Variants in MMACHC observed in about 807,000 individuals in gnomAD.
The protein encoded by MMACHC is cyanocobalamin reductase / alkylcobalamin dealkylase.
In MMACHC, 14 loss-of-function variants were observed where a neutral mutation model predicts 17.6. That is an observed-to-expected ratio of 0.80 (90% CI 0.53 to 1.25). MMACHC has a LOEUF of 1.25. MMACHC is among the 50% of genes most tolerant of loss of function. MMACHC has a pLI of 0.00. For synonymous variants in MMACHC, 151 were observed against 142.1 expected (o/e 1.06, Z -0.45); for missense variants, 392 against 364.5 (o/e 1.08, Z -0.62).
In MMACHC at chr1:45,509,384, G is replaced by A. The variant is rs566121791; in HGVS notation, c.*169G>A. 481 of 692,462 alleles carry A rather than the reference G, an allele frequency of 6.9e-4. No homozygotes were observed. The highest frequency in any genetic ancestry group is 9.5e-4 in the Non-Finnish European group (413 of 434,436). 42.9% of individuals were successfully genotyped at this position (692,462 alleles called of 1,614,324 possible). A position where few individuals can be genotyped will look rare whatever the true frequency, so the allele number is the denominator to read the frequency against. On this transcript the variant is annotated 3_prime_UTR_variant, in exon 4 of 4. Transcript: ENST00000401061. Reference sequence around the variant, plus strand: ...TTAGGTTTGGCCAAGATAAAGGCCAGGGAACCAGAATTCCCATCTGCCTTC... The same window carrying A: ...TTAGGTTTGGCCAAGATAAAGGCCAAGGAACCAGAATTCCCATCTGCCTTC...
At chr1:45,504,559 T>G (rs1012864210) in intron 1 of MMACHC, among the ~76,000 whole-genome samples, 12 of 152,064 alleles carry the variant, frequency 7.9e-5, no homozygotes, top group African/African-American at 2.9e-4. Flanking sequence ...AACAAATTAT[T>G]TTTTTGTTTT....
In MMACHC at chr1:45,511,461, C is replaced by CAA. The variant is rs771563892; in HGVS notation, c.*2247_*2248insAA. On this transcript the variant is annotated 3_prime_UTR_variant, in exon 4 of 4. Transcript: ENST00000401061. ...AATTAATAACCTTCTCAATGGTATG[C>CAA]ACCACCATTCTCCTATGGACAAAAC... 2 of 1,482,342 alleles carry CAA rather than the reference C, an allele frequency of 1.3e-6. No individual in the cohort carries two copies. Among genetic ancestry groups the CAA allele is most frequent in the East Asian group, 4.5e-5 (2 of 44,060 alleles). 91.8% of individuals were successfully genotyped at this position (1,482,342 alleles called of 1,614,324 possible).
chr1:45,500,512 G>A lies in MMACHC; in HGVS notation c.81+99G>A, dbSNP rs550361077. ...GAGCCTCTGATCCTCCTGGGTTCCTGCAGCCCAGTGTCCATGTGACAACAG... is the reference window on the plus strand; with the variant it reads ...GAGCCTCTGATCCTCCTGGGTTCCTACAGCCCAGTGTCCATGTGACAACAG... On this transcript the variant is annotated intron_variant, in intron 1 of 3. Transcript: ENST00000401061. 6.8e-5 allele frequency: 78 copies of A among 1,140,148 alleles called. No individual in the cohort carries two copies. The African/African-American group carries it at 1.1e-3, about 16-fold the overall frequency. The allele number at this position is 1,140,148 out of a possible 1,614,324, so 70.6% of individuals were successfully genotyped here. A position where few individuals can be genotyped will look rare whatever the true frequency, so the allele number is the denominator to read the frequency against.
In MMACHC at chr1:45,511,091, G is replaced by A; in HGVS notation, c.*1876G>A. The A allele has an allele frequency of 1.1e-5, 4 of 368,098 alleles. No homozygotes were observed. Among genetic ancestry groups the A allele is most frequent in the East Asian group, 4.1e-5 (1 of 24,542 alleles). The allele number at this position is 368,098 out of a possible 1,614,324, so 22.8% of individuals were successfully genotyped here. On this transcript the variant is annotated 3_prime_UTR_variant, in exon 4 of 4. Coordinates refer to ENST00000401061, the MANE Select transcript of MMACHC (RefSeq NM_015506.3). The stretch of plus-strand genomic sequence containing the variant: ...AATACAAACTACAAAAGATTAATGG[G>A]TTGCTCTACTAATACATCATACAAA...
Position 45,511,270 on chromosome 1 carries a change from A to G in MMACHC, c.*2055A>G. 7.3e-7 allele frequency: 1 copy of G among 1,364,748 alleles called. No homozygotes were observed. The highest frequency in any genetic ancestry group is 1.0e-6 in the Non-Finnish European group (1 of 996,072). The allele number at this position is 1,364,748 out of a possible 1,614,324, so 84.5% of individuals were successfully genotyped here. A position where few individuals can be genotyped will look rare whatever the true frequency, so the allele number is the denominator to read the frequency against. ...TTTTACTAATGGAAAAAAAAAATACAGAAGAGGTTTTGTTCTCATGGCTGC... is the reference window on the plus strand; with the variant it reads ...TTTTACTAATGGAAAAAAAAAATACGGAAGAGGTTTTGTTCTCATGGCTGC... On this transcript the variant is annotated 3_prime_UTR_variant, in exon 4 of 4. Transcript: ENST00000401061.
Position 45,508,317 on chromosome 1 carries a change from T to C in MMACHC, c.382T>C (p.Tyr128His), listed in dbSNP as rs1643666943. 6.2e-7 allele frequency: 1 copy of C among 1,613,926 alleles called. No homozygotes were observed. Among genetic ancestry groups the C allele is most frequent in the Admixed American group, 1.7e-5 (1 of 59,990 alleles). The change falls in exon 3 of 4, where the codon TAC becomes CAC. Residue 128 changes from tyrosine to histidine, a missense_variant. Transcript: ENST00000401061. ...QTAAHVAGAA[Y>H]YYQRQDVEAD... ...AGCAGCCCATGTAGCTGGGGCTGCT[T>C]ACTACTACCAACGACAAGATGTGGA...
At chr1:45,502,215 A>G (rs1460427033) in intron 1 of MMACHC, among the ~76,000 whole-genome samples, 1 of 152,068 alleles carries the variant, frequency 6.6e-6, no homozygotes, top group African/African-American at 2.4e-5. Context: ...ACAATTCTCA[A>G]ATATACCCAG....
At chr1:45,504,417 A>G (rs1643586655) in intron 1 of MMACHC, among the ~76,000 whole-genome samples, 1 of 152,098 alleles carries the variant, frequency 6.6e-6, no homozygotes, top group Non-Finnish European at 1.5e-5. Flanking sequence ...TTCCATCTCA[A>G]AAAAAAGAAA....
chr1:45,510,264 A>G lies in MMACHC; in HGVS notation c.*1049A>G, dbSNP rs185604515. 2.0e-5 allele frequency: 3 copies of G among 152,324 alleles called. No individual in the cohort carries two copies. The highest frequency in any genetic ancestry group is 3.9e-4 in the East Asian group (2 of 5,182). The allele number at this position is 152,324 out of a possible 1,614,324, so 9.4% of individuals were successfully genotyped here. On this transcript the variant is annotated 3_prime_UTR_variant, in exon 4 of 4. Coordinates refer to ENST00000401061, the MANE Select transcript of MMACHC (RefSeq NM_015506.3). ...GTGGGCAGGTGGGAGTAGCTGAGGA[A>G]GACAAGTGGCTGGAATGGTATCACA...
Position 45,509,763 on chromosome 1 carries a change from G to A in MMACHC, c.*548G>A, listed in dbSNP as rs533957977. On this transcript the variant is annotated 3_prime_UTR_variant, in exon 4 of 4. Coordinates refer to ENST00000401061, the MANE Select transcript of MMACHC (RefSeq NM_015506.3). ...GCAGTTCCCCAAGATGTTGTTACAG[G>A]GCCTAAGGGGCAAATATCCTCTAAA... 1.3e-5 allele frequency: 2 copies of A among 153,958 alleles called. No individual in the cohort carries two copies. Among genetic ancestry groups the A allele is most frequent in the African/African-American group, 4.8e-5 (2 of 41,464 alleles). 9.5% of individuals were successfully genotyped at this position (153,958 alleles called of 1,614,324 possible). A position where few individuals can be genotyped will look rare whatever the true frequency, so the allele number is the denominator to read the frequency against.
rs11580609 is a variant in MMACHC, at chr1:45,510,184, C to A, written c.*969C>A. On this transcript the variant is annotated 3_prime_UTR_variant, in exon 4 of 4. Coordinates refer to ENST00000401061, the MANE Select transcript of MMACHC (RefSeq NM_015506.3). ...TAGTAAGCAGTATGTTGGCCATTAC[C>A]AAAGGCCCTGGGAATTCTGTACTGC... 1.3e-5 allele frequency: 2 copies of A among 151,756 alleles called. No homozygotes were observed. The highest frequency in any genetic ancestry group is 2.9e-5 in the Non-Finnish European group (2 of 67,974). 9.4% of individuals were successfully genotyped at this position (151,756 alleles called of 1,614,324 possible).
At chr1:45,503,988 G>A (rs183725251) in intron 1 of MMACHC, among the ~76,000 whole-genome samples, 11 of 152,230 alleles carry the variant, frequency 7.2e-5, no homozygotes, top group Admixed American at 5.2e-4. Flanking sequence ...GGGTGTAGAC[G>A]GTGTTACAGG....
rs1000688178 is a variant in MMACHC, at chr1:45,512,743, C to G, written c.*3528C>G. ...GGGCCTACTTTGCCACTGCTGCCTCCTTCTTAATGCTGAACCTCATCTCCC... is the reference window on the plus strand; with the variant it reads ...GGGCCTACTTTGCCACTGCTGCCTCGTTCTTAATGCTGAACCTCATCTCCC... On this transcript the variant is annotated 3_prime_UTR_variant, in exon 4 of 4. Transcript: ENST00000401061. The G allele has an allele frequency of 3.9e-5, 6 of 152,302 alleles. No homozygotes were observed. In the South Asian group the frequency reaches 1.2e-3, roughly 32 times the overall value. The allele number at this position is 152,302 out of a possible 1,614,324, so 9.4% of individuals were successfully genotyped here.
In MMACHC at chr1:45,508,867, A is replaced by G. The variant is rs1366306237; in HGVS notation, c.501A>G (p.Pro167=). 2 of 1,614,048 alleles carry G rather than the reference A, an allele frequency of 1.2e-6. No homozygotes were observed. Among genetic ancestry groups the G allele is most frequent in the Non-Finnish European group, 8.5e-7 (1 of 1,180,018 alleles). The change falls in exon 4 of 4, where the codon CCA becomes CCG. Residue 167 remains proline (P), a synonymous_variant. Transcript: ENST00000401061. ...WFAIRGVVLL[P]GIEVPDLPPR... is the part of the protein sequence containing the mutation. ...CCATCCGAGGGGTAGTGCTGCTGCC[A>G]GGGATAGAGGTGCCAGATCTGCCAC...
Position 45,508,829 on chromosome 1 carries a change from G to A in MMACHC, c.463G>A (p.Gly155Arg). ...ISGVCIHPRF[G>R]GWFAIRGVVL... ...AGGTGTGTGCATACACCCCCGATTT[G>A]GGGGCTGGTTTGCCATCCGAGGGGT... Residue 155 changes from glycine (G) to arginine (R), a missense_variant, in exon 4 of 4, where the codon GGG becomes AGG. Transcript: ENST00000401061. 6.2e-7 allele frequency: 1 copy of A among 1,614,126 alleles called. No homozygotes were observed. Among genetic ancestry groups the A allele is most frequent in the Non-Finnish European group, 8.5e-7 (1 of 1,180,008 alleles).
At position 45,507,926 on chromosome 1, in the gene MMACHC, C is replaced by G. The variant is rs369881882; in HGVS notation, c.277-286C>G. On this transcript the variant is annotated intron_variant, in intron 2 of 3. Transcript: ENST00000401061. ...CTTTTGAGGACAGAACAATATTCTC[C>G]CAACACACACTCACATATACACATA... is the stretch of plus-strand genomic sequence containing the variant. 2.6e-5 allele frequency among the ~76,000 whole-genome samples: 4 copies of G among 152,184 alleles called. No individual in the cohort carries two copies. The East Asian group carries it at 7.7e-4, about 29-fold the overall frequency.
Position 45,511,260 on chromosome 1 carries a change from A to C in MMACHC, c.*2045A>C. 9 of 1,339,200 alleles carry C rather than the reference A, an allele frequency of 6.7e-6. No homozygotes were observed. Among genetic ancestry groups the C allele is most frequent in the Non-Finnish European group, 9.2e-6 (9 of 976,528 alleles). The allele number at this position is 1,339,200 out of a possible 1,614,324, so 83.0% of individuals were successfully genotyped here. On this transcript the variant is annotated 3_prime_UTR_variant, in exon 4 of 4. Transcript: ENST00000401061. ...AAGTCTTGTGTTTTACTAATGGAAA[A>C]AAAAAATACAGAAGAGGTTTTGTTC...
In MMACHC at chr1:45,508,137, A is replaced by G. The variant is rs989701551; in HGVS notation, c.277-75A>G. 85 of 1,571,092 alleles carry G rather than the reference A, an allele frequency of 5.4e-5. 1 individual carries two copies. The highest frequency in any genetic ancestry group is 1.0e-4 in the Admixed American group (6 of 59,894). ...AGGACCATGTTCACACACACAAAAC[A>G]AACTAGGGCTCCCTCGGACAAGGTC... is the stretch of plus-strand genomic sequence containing the variant. On this transcript the variant is annotated intron_variant, in intron 2 of 3. Transcript: ENST00000401061.
intron 2 of MMACHC, among the ~76,000 whole-genome samples, chr1:45,507,810 C>T (rs1054913241): frequency 3.3e-5 from 5 of 152,172 alleles, no homozygotes; most frequent in Non-Finnish European, 5.9e-5. Context: ...GAACCTCAGA[C>T]CAGGTTTTCC....
Sources: allele counts gnomAD v4.1 joint callset (sites outside exome capture counted in the v4.1 genomes callset), GRCh38; gene constraint gnomAD v4.1.1; transcripts MANE v1.5; gene names NCBI Gene and HGNC (gene_info 2026-07-23, HGNC 2026-07-21).